The following UBXN7 variants were observed in gnomAD, a reference collection of about 807,000 sequenced individuals.
UBXN7 encodes UBX domain-containing protein 7.
A neutral mutation model predicts 58.0 loss-of-function variants in UBXN7; 9 were observed. The ratio of observed to expected loss-of-function variants is 0.16; its 90% CI spans 0.09 to 0.27. UBXN7 has a LOEUF of 0.27. Among genes scored for constraint, UBXN7 ranks in the 10% least tolerant of loss-of-function variants. UBXN7 has a pLI of 1.00. For synonymous variants in UBXN7, 208 were observed against 205.0 expected, an observed-to-expected ratio of 1.01 and a Z score of -0.12; for missense variants, 328 against 599.6, an observed-to-expected ratio of 0.55 and a Z score of 4.73.
At chr3:196,398,644 A>C (rs1729852667) in intron 3 of UBXN7, among the ~76,000 whole-genome samples, 1 of 152,136 alleles carries the variant, frequency 6.6e-6, no homozygotes, top group African/African-American at 2.4e-5. Context: ...TTTGTAATTT[A>C]TCATTGTTTT....
In UBXN7 at chr3:196,431,084, G is replaced by A. The variant is rs1192916603; in HGVS notation, c.73+1243C>T. On this transcript the variant is annotated intron_variant, in intron 1 of 10. Coordinates refer to ENST00000296328, the MANE Select transcript of UBXN7 (RefSeq NM_015562.2). ...ATAAAACTTGCTTTAATATAAAACG[G>A]TAACTAGTATACAACCTGTAGTAGT... 2.6e-5 allele frequency among the ~76,000 whole-genome samples: 4 copies of A among 152,064 alleles called. No individual in the cohort carries two copies. In the East Asian group the frequency reaches 7.7e-4, roughly 29 times the overall value.
intron 5 of UBXN7, among the ~76,000 whole-genome samples, chr3:196,374,134 C>T (rs867413935): frequency 2.0e-5 from 3 of 152,112 alleles, no homozygotes; most frequent in Admixed American, 6.6e-5. Context: ...AATGACCATA[C>T]GTTCTAGAGA....
chr3:196,400,354 T>G (rs1729920611), intron 3 of UBXN7: 3 of 152,262 alleles, frequency 2.0e-5, no homozygotes, highest in Admixed American at 6.5e-5. Context: ...AAAGACCCAT[T>G]TCAAGTTATA....
At chr3:196,362,760 A>G in intron 8 of UBXN7, 73 bp from the exon 9 acceptor site, 19 of 1,499,474 alleles carry the variant, frequency 1.3e-5, no homozygotes, top group Non-Finnish European at 1.7e-5. Flanking sequence ...GGCATAAGAA[A>G]TATAATAGCT....
chr3:196,379,372 C>G (rs573576302), intron 5 of UBXN7, among the ~76,000 whole-genome samples: 2 of 152,300 alleles, frequency 1.3e-5, no homozygotes, highest in South Asian at 4.1e-4. Flanking sequence ...CTATCTCATC[C>G]CATGACTTAG....
chr3:196,430,111 T>C (rs1328707024), intron 1 of UBXN7, among the ~76,000 whole-genome samples: 1 of 152,026 alleles, frequency 6.6e-6, no homozygotes, highest in African/African-American at 2.4e-5. Flanking sequence ...TCCTAGCACT[T>C]TGGGAGGCTG....
chr3:196,407,122 C>A, intron 2 of UBXN7, 124 bp downstream of exon 2: 1 of 1,381,894 alleles, frequency 7.2e-7, no homozygotes, highest in African/African-American at 1.5e-5. Flanking sequence ...CCACTTCATA[C>A]TTTTTCAGAG....
At chr3:196,361,112 T>C (rs1406756372) in intron 10 of UBXN7, among the ~76,000 whole-genome samples, 1 of 152,128 alleles carries the variant, frequency 6.6e-6, no homozygotes, top group African/African-American at 2.4e-5. Flanking sequence ...GAACAGGGCT[T>C]TGGAAGAGGT....
At chr3:196,409,391 A>C (rs1478024574) in intron 1 of UBXN7, among the ~76,000 whole-genome samples, 1 of 152,056 alleles carries the variant, frequency 6.6e-6, no homozygotes, top group Non-Finnish European at 1.5e-5. Flanking sequence ...TCTATAGGTC[A>C]CTGTTTCTTG....
At chr3:196,363,209 TAC>T (rs1728555543) in intron 8 of UBXN7, among the ~76,000 whole-genome samples, 1 of 83,462 alleles carries the variant, frequency 1.2e-5, no homozygotes, top group Admixed American at 1.3e-4. Flanking sequence ...GGCACATACA[TAC>T]ATACATACAT....
chr3:196,370,944 A>G (rs1295243073), intron 6 of UBXN7, among the ~76,000 whole-genome samples: 2 of 151,882 alleles, frequency 1.3e-5, no homozygotes, highest in Non-Finnish European at 2.9e-5. Context: ...TGGAAGGATC[A>G]TTTGAGCCCA....
In UBXN7 at chr3:196,401,298, T is replaced by TACACAC. The variant is rs71630187; in HGVS notation, c.289+1648_289+1653dup. Among the ~76,000 whole-genome samples the TACACAC allele has an allele frequency of 3.2e-3, 197 of 61,644 alleles. 3 individuals carry two copies. The highest frequency in any genetic ancestry group is 0.011 in the African/African-American group (124 of 11,554). 40.4% of individuals were successfully genotyped at this position (61,644 alleles called of 152,430 possible). On this transcript the variant is annotated intron_variant, in intron 3 of 10. Transcript: ENST00000296328. Reference sequence around the variant, plus strand: ...AAATATATATATATATATATATATATACACACACACACACACACACACATA... The same window carrying TACACAC: ...AAATATATATATATATATATATATATACACACACACACACACACACACACACACATA...
chr3:196,421,226 G>A lies in UBXN7; in HGVS notation c.73+11101C>T, dbSNP rs531920493. Among the ~76,000 whole-genome samples, 9 of 152,294 alleles carry A rather than the reference G, an allele frequency of 5.9e-5. No individual in the cohort carries two copies. The East Asian group carries it at 1.5e-3, about 26-fold the overall frequency. On this transcript the variant is annotated intron_variant, in intron 1 of 10. Transcript: ENST00000296328. ...CATTAGTTCACAAAAGGAACCAATG[G>A]TGCAGGAAGTAGTGCTAATGGTGGG...
chr3:196,372,429 C>T (rs1309575068), intron 5 of UBXN7, among the ~76,000 whole-genome samples: 3 of 151,378 alleles, frequency 2.0e-5, no homozygotes, highest in Non-Finnish European at 2.9e-5. Context: ...GCAACCTCCA[C>T]CTCCTGAGTT....
At chr3:196,417,837 A>G (rs1265770896) in intron 1 of UBXN7, among the ~76,000 whole-genome samples, 1 of 148,848 alleles carries the variant, frequency 6.7e-6, no homozygotes, top group African/African-American at 2.5e-5. Flanking sequence ...AGGTGGAAGG[A>G]TTGCTTAAGT....
chr3:196,371,634 G>C (rs921388854), intron 6 of UBXN7, among the ~76,000 whole-genome samples: 1 of 151,760 alleles, frequency 6.6e-6, no homozygotes, highest in Non-Finnish European at 1.5e-5. Context: ...GGTGCCTGCT[G>C]CCACACCTGG....
chr3:196,411,549 C>T (rs141090254), intron 1 of UBXN7, among the ~76,000 whole-genome samples: 1 of 152,364 alleles, frequency 6.6e-6, no homozygotes, highest in East Asian at 1.9e-4. Flanking sequence ...CAGTGGCTCA[C>T]ATCTGTAATC....
At chr3:196,414,437 A>G (rs1222581044) in intron 1 of UBXN7, among the ~76,000 whole-genome samples, 1 of 152,162 alleles carries the variant, frequency 6.6e-6, no homozygotes, top group Non-Finnish European at 1.5e-5. Context: ...GCTGATTGAA[A>G]AAGTTTTAAT....
intron 6 of UBXN7, among the ~76,000 whole-genome samples, chr3:196,370,416 G>A (rs1210470778): frequency 2.0e-5 from 3 of 150,792 alleles, no homozygotes; most frequent in Non-Finnish European, 4.4e-5. Context: ...CTGCACCACT[G>A]TGTTCCGGCC....
Sources: allele counts gnomAD v4.1 joint callset (sites outside exome capture counted in the v4.1 genomes callset), GRCh38; gene constraint gnomAD v4.1.1; transcripts MANE v1.5; gene names NCBI Gene and HGNC (gene_info 2026-07-23, HGNC 2026-07-21).